CHLSN: variants seen among roughly 807,000 people sequenced by gnomAD.
CHLSN encodes cholesin, also known as protein cholesin.
chr7:983,505 GGGCACGCAGGA>G, the CHLSN span: 1 of 1,059,710 alleles, frequency 9.4e-7, no homozygotes, highest in South Asian at 2.4e-5. Context: ...GGGCCCAGCG[GGGCACGCAGGA>G]GGCCGGAGGG....
At chr7:990,463 GC>G in the CHLSN span, among the ~76,000 whole-genome samples, 2 of 152,026 alleles carry the variant, frequency 1.3e-5, no homozygotes, top group Non-Finnish European at 2.9e-5. Context: ...TGAGCGGCAG[GC>G]GGCCCCTCAC....
At chr7:1,032,847 G>A in the CHLSN span, among the ~76,000 whole-genome samples, 16 of 152,202 alleles carry the variant, frequency 1.1e-4, no homozygotes, top group South Asian at 2.1e-4. Flanking sequence ...TGTGGGCAGC[G>A]CCTCTGCCCC....
chr7:1,127,151 G>A, the CHLSN span: 7 of 1,363,702 alleles, frequency 5.1e-6, no homozygotes, highest in Non-Finnish European at 6.8e-6. Context: ...ACCTGTTCCA[G>A]GCTCTGCTCC....
the CHLSN span, among the ~76,000 whole-genome samples, chr7:1,086,451 C>T: frequency 6.6e-6 from 1 of 152,216 alleles, no homozygotes; most frequent in Admixed American, 6.5e-5. Context: ...GAGTTGTCAA[C>T]TTTCTACTGC....
At chr7:1,069,642 C>G in the CHLSN span, among the ~76,000 whole-genome samples, 1 of 112,454 alleles carries the variant, frequency 8.9e-6, no homozygotes. Context: ...GAGTCTCGTT[C>G]ACTCAGTGCT....
the CHLSN span, chr7:1,058,369 C>T: frequency 7.7e-6 from 6 of 780,140 alleles, no homozygotes; most frequent in African/African-American, 8.5e-5. Context: ...AAACTCCTGG[C>T]CTTCTCCAGC....
the CHLSN span, among the ~76,000 whole-genome samples, chr7:1,017,010 C>G: frequency 2.0e-5 from 3 of 151,234 alleles, no homozygotes; most frequent in African/African-American, 4.9e-5. Context: ...GAGCACACAG[C>G]AGCACACAGC....
At chr7:1,043,221 T>A in the CHLSN span, among the ~76,000 whole-genome samples, 2 of 152,040 alleles carry the variant, frequency 1.3e-5, no homozygotes, top group African/African-American at 4.8e-5. Flanking sequence ...ACAGAAACTC[T>A]GTCTTTAAAA....
At chr7:1,077,999 T>C in the CHLSN span, 1 of 152,214 alleles carries the variant, frequency 6.6e-6, no homozygotes, top group South Asian at 2.1e-4. Context: ...GAAGTTTCTC[T>C]CCTAAAACGA....
chr7:1,054,083 G>A, the CHLSN span, among the ~76,000 whole-genome samples: 26 of 152,286 alleles, frequency 1.7e-4, no homozygotes, highest in East Asian at 3.9e-4. Flanking sequence ...TGACAAAGGC[G>A]GGAACCTGAG....
At chr7:1,123,056 C>T in the CHLSN span, among the ~76,000 whole-genome samples, 1 of 152,168 alleles carries the variant, frequency 6.6e-6, no homozygotes, top group East Asian at 1.9e-4. The surrounding 1 kb of genome is among the most constrained non-coding windows in gnomAD (Gnocchi z 4.4). Flanking sequence ...ATGGGGAGCT[C>T]AGCAAACAAC....
chr7:1,059,257 A>G, the CHLSN span: 1 of 166,576 alleles, frequency 6.0e-6, no homozygotes, highest in Non-Finnish European at 1.5e-5. Flanking sequence ...AACAAAAGAA[A>G]GGTGTGTTAG....
chr7:1,120,574 C>T, the CHLSN span, among the ~76,000 whole-genome samples: 3 of 152,266 alleles, frequency 2.0e-5, no homozygotes, highest in Non-Finnish European at 2.9e-5. Flanking sequence ...ATTACAGGCA[C>T]GAGCCACCGT....
chr7:1,104,788 G>A, the CHLSN span, among the ~76,000 whole-genome samples: 11 of 152,296 alleles, frequency 7.2e-5, no homozygotes, highest in East Asian at 7.7e-4. Context: ...TGAAAAGACC[G>A]TACAAATATG....
chr7:1,087,109 G>C, the CHLSN span: 1 of 152,368 alleles, frequency 6.6e-6, no homozygotes, highest in East Asian at 1.9e-4. Flanking sequence ...TGGCCGCCCC[G>C]CATGAGGCAG....
At chr7:988,856 T>C in the CHLSN span, 1 of 1,289,968 alleles carries the variant, frequency 7.8e-7, no homozygotes, top group South Asian at 1.4e-5. Context: ...TCCTGACCAC[T>C]CCCCTCCCAG....
chr7:1,097,442 G>C, the CHLSN span, among the ~76,000 whole-genome samples: 3 of 152,214 alleles, frequency 2.0e-5, no homozygotes, highest in African/African-American at 7.2e-5. The surrounding 1 kb of genome is among the most constrained non-coding windows in gnomAD (Gnocchi z 4.3). Context: ...ACCATGAAAA[G>C]CAGGAGTCTG....
chr7:1,087,239 C>T, the CHLSN span: 2 of 152,210 alleles, frequency 1.3e-5, no homozygotes, highest in African/African-American at 4.8e-5. Flanking sequence ...AACATCTGGA[C>T]GGCAGGTAAG....
chr7:987,430 A>G, the CHLSN span: 2 of 1,592,374 alleles, frequency 1.3e-6, no homozygotes, highest in Admixed American at 1.7e-5. Context: ...GCCCTACACA[A>G]GCGCCGTGCT....
Sources: allele counts gnomAD v4.1 joint callset (sites outside exome capture counted in the v4.1 genomes callset), GRCh38; gene constraint gnomAD v4.1.1; non-coding constraint Gnocchi (gnomAD v3.1); transcripts MANE v1.5; gene names NCBI Gene and HGNC (gene_info 2026-07-23, HGNC 2026-07-21).